PXDN: variants seen among roughly 807,000 people sequenced by gnomAD.
PXDN encodes peroxidasin, also known as peroxidasin homolog.
Under a neutral mutation model 140.3 loss-of-function variants are expected in PXDN, and 77 were observed. That is an observed-to-expected ratio of 0.55 (90% CI 0.46 to 0.66). PXDN has a LOEUF of 0.66. PXDN is among the 30% of genes least tolerant of loss of function. The pLI, the probability that PXDN is intolerant of heterozygous loss-of-function variation, is 0.00. For synonymous variants in PXDN, 911 were observed against 857.4 expected (o/e 1.06, Z -1.09); for missense variants, 1,838 against 2,039.5 (o/e 0.90, Z 1.90).
At chr2:1,689,838 A>G (rs955466829) in intron 3 of PXDN, among the ~76,000 whole-genome samples, 17 of 152,160 alleles carry the variant, frequency 1.1e-4, no homozygotes, top group Non-Finnish European at 2.4e-4. Context: ...GTGATTTTCT[A>G]CTTCATCATA....
At chr2:1,671,984 C>G (rs912116023) in intron 9 of PXDN, 2 of 152,200 alleles carry the variant, frequency 1.3e-5, no homozygotes, top group African/African-American at 4.8e-5. Flanking sequence ...TATTGTTCTT[C>G]TTTTAAAAGT....
In PXDN at chr2:1,633,886, C is replaced by T. The variant is rs1216162815; in HGVS notation, c.*318G>A. ...TGTTGGGAGGCAAAATCAATTTAGG[C>T]GCCTAAATGATTCAACTGTGCAATT... is the stretch of plus-strand genomic sequence containing the variant. On this transcript the variant is annotated 3_prime_UTR_variant, in exon 23 of 23. Transcript: ENST00000252804. 3 of 212,022 alleles carry T rather than the reference C, an allele frequency of 1.4e-5. No individual in the cohort carries two copies. Among genetic ancestry groups the T allele is most frequent in the East Asian group, 2.0e-4 (2 of 9,886 alleles). The allele number at this position is 212,022 out of a possible 1,614,324, so 13.1% of individuals were successfully genotyped here. A position where few individuals can be genotyped will look rare whatever the true frequency, so the allele number is the denominator to read the frequency against.
At chr2:1,642,420 C>T (rs1682749608) in intron 19 of PXDN, among the ~76,000 whole-genome samples, 1 of 152,256 alleles carries the variant, frequency 6.6e-6, no homozygotes, top group Admixed American at 6.5e-5. Flanking sequence ...AGTGTCTGTA[C>T]TTTGTGTGTC....
intron 1 of PXDN, among the ~76,000 whole-genome samples, chr2:1,726,643 GTTTT>G (rs1200417902): frequency 6.6e-6 from 1 of 152,078 alleles, no homozygotes; most frequent in East Asian, 1.9e-4. Context: ...AAGCTTGTTT[GTTTT>G]TTGTTTGTTT....
At position 1,697,898 on chromosome 2, in the gene PXDN, C is replaced by A. The variant is rs76733587; in HGVS notation, c.201-4764G>T. 4.7e-3 allele frequency among the ~76,000 whole-genome samples: 722 copies of A among 152,326 alleles called. 6 individuals carry two copies. Among genetic ancestry groups the A allele is most frequent in the African/African-American group, 0.017 (689 of 41,572 alleles). ...GCACGCCCTCTATGAAGTAAGTTGG[C>A]ATGATGAGCATGGAGACAGATTGTA... On this transcript the variant is annotated intron_variant, in intron 1 of 22. Transcript: ENST00000252804.
chr2:1,689,387 A>ACCC (rs1260486680), intron 3 of PXDN, among the ~76,000 whole-genome samples: 4 of 152,248 alleles, frequency 2.6e-5, no homozygotes, highest in African/African-American at 9.6e-5. Context: ...TTAAAAAATG[A>ACCC]AAGGGAATCT....
At chr2:1,725,182 T>C (rs545417118) in intron 1 of PXDN, among the ~76,000 whole-genome samples, 1 of 152,240 alleles carries the variant, frequency 6.6e-6, no homozygotes, top group Non-Finnish European at 1.5e-5. Context: ...TTTAAAGAAA[T>C]GCTACTGACT....
chr2:1,679,173 GGT>G (rs1683804811), intron 7 of PXDN, among the ~76,000 whole-genome samples: 1 of 150,390 alleles, frequency 6.6e-6, no homozygotes, highest in African/African-American at 2.4e-5. Context: ...GTGAGTGTGT[GGT>G]GTGTGCGTGT....
intron 1 of PXDN, among the ~76,000 whole-genome samples, chr2:1,709,960 C>T (rs1320708182): frequency 1.3e-5 from 2 of 152,172 alleles, no homozygotes; most frequent in Admixed American, 6.5e-5. Flanking sequence ...CTGCCCCATC[C>T]ATGGTGTTTG....
At chr2:1,682,516 C>T (rs1683930584) in intron 6 of PXDN, among the ~76,000 whole-genome samples, 2 of 152,098 alleles carry the variant, frequency 1.3e-5, no homozygotes, top group African/African-American at 2.4e-5. Context: ...AATATCTAAC[C>T]GAAACTAACG....
intron 16 of PXDN, among the ~76,000 whole-genome samples, chr2:1,650,273 C>T (rs891181957): frequency 6.6e-6 from 1 of 152,206 alleles, no homozygotes; most frequent in African/African-American, 2.4e-5. Context: ...AATCCTGGGA[C>T]TGATTTCCAT....
At chr2:1,669,990 G>A (rs1330786163) in intron 9 of PXDN, among the ~76,000 whole-genome samples, 1 of 152,100 alleles carries the variant, frequency 6.6e-6, no homozygotes, top group Admixed American at 6.5e-5. Context: ...GATCTAGCTA[G>A]CATAAGACTA....
intron 8 of PXDN, among the ~76,000 whole-genome samples, chr2:1,675,886 T>C (rs1427984111): frequency 1.3e-5 from 2 of 151,936 alleles, no homozygotes; most frequent in Non-Finnish European, 2.9e-5. Context: ...TGACTAAACA[T>C]GGCCAGAGAG....
chr2:1,686,290 A>T (rs528706141), intron 4 of PXDN, among the ~76,000 whole-genome samples: 15 of 152,272 alleles, frequency 9.9e-5, no homozygotes, highest in Admixed American at 6.5e-4. Context: ...GCAGCACCAG[A>T]GACCCCAGCT....
At chr2:1,717,743 C>T (rs1048071256) in intron 1 of PXDN, among the ~76,000 whole-genome samples, 1 of 152,098 alleles carries the variant, frequency 6.6e-6, no homozygotes, top group Non-Finnish European at 1.5e-5. Context: ...CCACCCAAAG[C>T]TACTCTACTA....
chr2:1,679,271 G>C (rs982747656), intron 7 of PXDN, among the ~76,000 whole-genome samples: 1 of 141,652 alleles, frequency 7.1e-6, no homozygotes, highest in African/African-American at 2.6e-5. Context: ...TGTGTGTGTG[G>C]ATTGTATGTG....
rs1453782436 is a variant in PXDN at position 1,635,893 on chromosome 2, TAAC to T, written c.4207-375_4207-373del. ...AGTCAAGTCTGCCTTATTTTCCGAG[TAAC>T]AACACCACTGGCTTTTCTCTGGAAG... On this transcript the variant is annotated intron_variant, in intron 21 of 22. Transcript: ENST00000252804. 2.0e-5 allele frequency: 7 copies of T among 346,672 alleles called. No homozygotes were observed. In the East Asian group the frequency reaches 2.3e-4, roughly 12 times the overall value. The allele number at this position is 346,672 out of a possible 1,614,324, so 21.5% of individuals were successfully genotyped here.
intron 1 of PXDN, among the ~76,000 whole-genome samples, chr2:1,741,398 C>T (rs887712515): frequency 2.6e-5 from 4 of 152,154 alleles, no homozygotes; most frequent in Non-Finnish European, 5.9e-5. Flanking sequence ...GACCCAACAG[C>T]AAGGCCAAAC....
At chr2:1,718,551 T>C (rs1343502250) in intron 1 of PXDN, among the ~76,000 whole-genome samples, 32 of 152,180 alleles carry the variant, frequency 2.1e-4, no homozygotes, top group Non-Finnish European at 1.5e-5. Context: ...CTTACTCCAC[T>C]GACCTACCAC....
Sources: allele counts gnomAD v4.1 joint callset (sites outside exome capture counted in the v4.1 genomes callset), GRCh38; gene constraint gnomAD v4.1.1; transcripts MANE v1.5; gene names NCBI Gene and HGNC (gene_info 2026-07-23, HGNC 2026-07-21).